Variants in PLPPR5 observed in about 807,000 individuals in gnomAD.
PLPPR5 encodes the protein phospholipid phosphatase related 5.
A neutral mutation model predicts 33.9 loss-of-function variants in PLPPR5; 16 were observed. That is an observed-to-expected ratio of 0.47 (90% CI 0.32 to 0.72). The LOEUF (loss-of-function observed/expected upper bound fraction) is 0.72. Among genes scored for constraint, PLPPR5 ranks in the 30% least tolerant of loss-of-function variants. PLPPR5 has a pLI of 0.03. For synonymous variants in PLPPR5, 163 were observed against 150.3 expected (o/e 1.08, Z -0.62); for missense variants, 301 against 406.7 (o/e 0.74, Z 2.23).
intron 3 of PLPPR5, among the ~76,000 whole-genome samples, chr1:98,926,255 A>C (rs1649760556): frequency 6.6e-6 from 1 of 152,084 alleles, no homozygotes; most frequent in Non-Finnish European, 1.5e-5. Flanking sequence ...GTACAGCCCA[A>C]AATTAAGCAA....
chr1:98,956,629 C>A lies in PLPPR5; in HGVS notation c.350G>T (p.Arg117Leu). 6.3e-7 allele frequency: 1 copy of A among 1,587,262 alleles called. No individual in the cohort carries two copies. Among genetic ancestry groups the A allele is most frequent in the Non-Finnish European group, 8.5e-7 (1 of 1,170,884 alleles). ...CATACCAAGAAATCGGACAGTTCGGCGCACCAGCGGGTTTATATAGCAACA... is the reference window on the plus strand; with the variant it reads ...CATACCAAGAAATCGGACAGTTCGGAGCACCAGCGGGTTTATATAGCAACA... ...GDCCYINPLVRRTVRFLGIYT... is the reference protein window; with the variant it reads ...GDCCYINPLVLRTVRFLGIYT... The change falls in exon 2 of 6, where the codon CGC becomes CTC. Residue 117 changes from arginine to leucine, a missense_variant. Arg to Leu is a moderately radical substitution (Grantham distance 102). Transcript: ENST00000263177.
chr1:98,948,842 C>T (rs936876159), intron 3 of PLPPR5, among the ~76,000 whole-genome samples: 5 of 152,156 alleles, frequency 3.3e-5, no homozygotes, highest in East Asian at 1.9e-4. Flanking sequence ...GTCAACCCTA[C>T]GTATCCTGAC....
chr1:98,951,457 A>C (rs1416485114), intron 3 of PLPPR5, among the ~76,000 whole-genome samples: 17 of 152,212 alleles, frequency 1.1e-4, no homozygotes, highest in Admixed American at 1.1e-3. Context: ...AAACTTCAGA[A>C]AAGTTAGGAA....
chr1:98,992,043 G>C (rs1378985945), intron 1 of PLPPR5, among the ~76,000 whole-genome samples: 1 of 152,056 alleles, frequency 6.6e-6, no homozygotes, highest in Non-Finnish European at 1.5e-5. Flanking sequence ...TATAAGATAA[G>C]GGAAAAATAC....
intron 4 of PLPPR5, among the ~76,000 whole-genome samples, chr1:98,921,275 A>G (rs1649543062): frequency 1.3e-5 from 2 of 152,176 alleles, no homozygotes; most frequent in African/African-American, 4.8e-5. Flanking sequence ...CTATGCGGTG[A>G]AATATGATTT....
At position 98,976,989 on chromosome 1, in the gene PLPPR5, G is replaced by A. The variant is rs185612679; in HGVS notation, c.238-20248C>T. ...CCCAGGTTTAAAAAGAGCCAGAGTG[G>A]AGGAGACAGCTGCATAGGTATCATG... is the stretch of plus-strand genomic sequence containing the variant. On this transcript the variant is annotated intron_variant, in intron 1 of 5. Transcript: ENST00000263177. Among the ~76,000 whole-genome samples the A allele has an allele frequency of 1.1e-4, 16 of 152,122 alleles. No individual in the cohort carries two copies. In the East Asian group the frequency reaches 2.3e-3, roughly 22 times the overall value.
At chr1:98,935,032 A>C (rs567877653) in intron 3 of PLPPR5, among the ~76,000 whole-genome samples, 39 of 152,304 alleles carry the variant, frequency 2.6e-4, no homozygotes, top group African/African-American at 9.4e-4. Context: ...TAATTCACAG[A>C]GGGGCTTCTG....
intron 3 of PLPPR5, among the ~76,000 whole-genome samples, chr1:98,923,584 T>C (rs1277025279): frequency 1.3e-5 from 2 of 152,126 alleles, no homozygotes; most frequent in Non-Finnish European, 2.9e-5. Context: ...TATAAATATG[T>C]AAGCAGTCCA....
chr1:98,912,946 C>T (rs146262963), intron 5 of PLPPR5, among the ~76,000 whole-genome samples: 2,049 of 152,106 alleles, frequency 0.013, 16 homozygotes, highest in Middle Eastern at 0.017. Flanking sequence ...CTCCAAAGTA[C>T]CATGGACAAG....
chr1:98,988,485 A>G (rs762815258), intron 1 of PLPPR5, among the ~76,000 whole-genome samples: 5 of 152,134 alleles, frequency 3.3e-5, no homozygotes, highest in Non-Finnish European at 7.4e-5. Context: ...GCTAGACTAT[A>G]TCCTGAATTA....
chr1:98,990,256 C>A lies in PLPPR5; in HGVS notation c.237+14179G>T, dbSNP rs1652406434. Among the ~76,000 whole-genome samples the A allele has an allele frequency of 2.0e-5, 3 of 152,112 alleles. No individual in the cohort carries two copies. The South Asian group carries it at 6.2e-4, about 32-fold the overall frequency. On this transcript the variant is annotated intron_variant, in intron 1 of 5. Coordinates refer to ENST00000263177, the MANE Select transcript of PLPPR5 (RefSeq NM_001037317.2). ...TGGTGGTGCACGCCAGTAATCCCAG[C>A]TTCTCAGGAGGCTGAGGCAGGAGAA...
intron 1 of PLPPR5, among the ~76,000 whole-genome samples, chr1:98,986,037 T>C (rs1256118667): frequency 1.3e-5 from 2 of 151,990 alleles, no homozygotes; most frequent in African/African-American, 4.8e-5. Context: ...TTGGAGAATG[T>C]TAATGGGATA....
intron 2 of PLPPR5, among the ~76,000 whole-genome samples, chr1:98,955,084 A>ACTTT (rs1246306073): frequency 2.0e-5 from 3 of 152,078 alleles, no homozygotes; most frequent in African/African-American, 7.2e-5. Flanking sequence ...GTGCTTACCT[A>ACTTT]AAGTAAGCAC....
intron 3 of PLPPR5, among the ~76,000 whole-genome samples, chr1:98,951,750 T>C (rs1285882309): frequency 6.6e-6 from 1 of 152,228 alleles, no homozygotes; most frequent in Non-Finnish European, 1.5e-5. Flanking sequence ...CATATATTCT[T>C]TCTGCTTTTA....
chr1:98,980,596 T>A (rs1331819924), intron 1 of PLPPR5, among the ~76,000 whole-genome samples: 3 of 152,068 alleles, frequency 2.0e-5, no homozygotes, highest in African/African-American at 7.2e-5. Context: ...CTGTTCGACT[T>A]CACATTAATT....
intron 3 of PLPPR5, among the ~76,000 whole-genome samples, chr1:98,952,403 G>T (rs1650823704): frequency 6.6e-6 from 1 of 152,136 alleles, no homozygotes; most frequent in African/African-American, 2.4e-5. Context: ...CATTGTTGGG[G>T]ACAAGAGCTG....
chr1:98,993,769 T>C (rs1323710766), intron 1 of PLPPR5, among the ~76,000 whole-genome samples: 1 of 152,078 alleles, frequency 6.6e-6, no homozygotes, highest in Non-Finnish European at 1.5e-5. Flanking sequence ...AGTGCTTCTA[T>C]GAACCCCAAT....
chr1:98,926,761 A>G (rs1349334914), intron 3 of PLPPR5, among the ~76,000 whole-genome samples: 1 of 152,204 alleles, frequency 6.6e-6, no homozygotes, highest in East Asian at 1.9e-4. Context: ...ACTAATAACA[A>G]GACAGCATCA....
intron 5 of PLPPR5, among the ~76,000 whole-genome samples, chr1:98,910,172 C>T (rs1280672489): frequency 1.3e-5 from 2 of 152,188 alleles, no homozygotes; most frequent in African/African-American, 4.8e-5. Context: ...CAGAAAATGA[C>T]AGCTTGGCAT....
Sources: gnomAD v4.1 joint callset for allele counts (sites outside exome capture counted in the v4.1 genomes callset) on GRCh38, gnomAD v4.1.1 for gene constraint, MANE v1.5 for transcripts, NCBI Gene and HGNC (gene_info 2026-07-23, HGNC 2026-07-21) for gene names.